TRIM14: variants seen among roughly 807,000 people sequenced by gnomAD.
TRIM14 encodes tripartite motif-containing protein 14.
In TRIM14, 28 loss-of-function variants were observed where a neutral mutation model predicts 44.5. The observed-to-expected ratio is 0.63, with a 90% CI of 0.47 to 0.86. The LOEUF (loss-of-function observed/expected upper bound fraction) is 0.86. Ranked by LOEUF, TRIM14 falls within the 40% of genes least tolerant of loss-of-function variation. TRIM14 has a pLI of 0.00. For synonymous variants in TRIM14, 299 were observed against 269.2 expected, an observed-to-expected ratio of 1.11 and a Z score of -1.08; for missense variants, 607 against 611.1, an observed-to-expected ratio of 0.99 and a Z score of 0.07.
At chr9:98,103,978 G>C (rs1280289267) in intron 2 of TRIM14, among the ~76,000 whole-genome samples, 1 of 152,192 alleles carries the variant, frequency 6.6e-6, no homozygotes, top group East Asian at 1.9e-4. Flanking sequence ...TGTTCTCAGG[G>C]GGACAGCATG....
At chr9:98,084,266 G>GT (rs1825684587), downstream of TRIM14, 2 of 152,264 alleles carry the variant, frequency 1.3e-5, no homozygotes, top group South Asian at 4.1e-4. Context: ...TGCGGATGAT[G>GT]TATTCAGGAT....
the TRIM14 span, among the ~76,000 whole-genome samples, chr9:98,044,786 T>C: frequency 6.6e-6 from 1 of 152,176 alleles, no homozygotes; most frequent in East Asian, 1.9e-4. Flanking sequence ...GAGATTAATT[T>C]TGGGAGAAAA....
the TRIM14 span, among the ~76,000 whole-genome samples, chr9:98,061,481 T>TAAAAAA: frequency 1.4e-3 from 107 of 74,664 alleles, 1 homozygote; most frequent in African/African-American, 5.3e-3. Context: ...CATCTCAAAT[T>TAAAAAA]AAAAAAAAAA....
At chr9:98,038,783 G>T in the TRIM14 span, among the ~76,000 whole-genome samples, 2 of 152,132 alleles carry the variant, frequency 1.3e-5, no homozygotes, top group African/African-American at 2.4e-5. Context: ...AGGTGTGGTG[G>T]CTCATGCCTG....
the TRIM14 span, among the ~76,000 whole-genome samples, chr9:98,048,451 T>C: frequency 6.6e-6 from 1 of 152,178 alleles, no homozygotes; most frequent in African/African-American, 2.4e-5. Flanking sequence ...TGTCTGTCTG[T>C]GTAGTTATAT....
chr9:98,110,848 A>AAAAATAAAATAAAATAAAAT (rs58660734), intron 1 of TRIM14, among the ~76,000 whole-genome samples: 6,697 of 130,490 alleles, frequency 0.051, 694 homozygotes, highest in African/African-American at 0.19. Context: ...CTCTACCACA[A>AAAAATAAAATAAAATAAAAT]AAAATAAAAT....
At chr9:98,107,359 T>C (rs1826654558) in intron 2 of TRIM14, among the ~76,000 whole-genome samples, 1 of 152,178 alleles carries the variant, frequency 6.6e-6, no homozygotes, top group African/African-American at 2.4e-5. Context: ...AAGCCTTATT[T>C]GCAATAGCCC....
the TRIM14 span, among the ~76,000 whole-genome samples, chr9:98,061,797 TAA>T: frequency 2.9e-4 from 43 of 147,244 alleles, 1 homozygote; most frequent in African/African-American, 1.1e-3. Context: ...AAAAAATTAA[TAA>T]TAATAATAAT....
chr9:98,049,435 A>C, the TRIM14 span, among the ~76,000 whole-genome samples: 1 of 150,436 alleles, frequency 6.6e-6, no homozygotes, highest in Non-Finnish European at 1.5e-5. Context: ...TCATTTCCTA[A>C]TTATATGCTA....
chr9:98,114,855 T>G (rs1055995132), intron 1 of TRIM14, among the ~76,000 whole-genome samples: 1 of 152,170 alleles, frequency 6.6e-6, no homozygotes, highest in Non-Finnish European at 1.5e-5. Flanking sequence ...AGAGCAAGAA[T>G]TATTTACATG....
At chr9:98,089,809 T>G (rs949652004) in intron 5 of TRIM14, among the ~76,000 whole-genome samples, 3 of 152,042 alleles carry the variant, frequency 2.0e-5, no homozygotes, top group African/African-American at 7.2e-5. Context: ...TCATACAAAG[T>G]CCCCATTTAA....
chr9:98,116,845 CA>C (rs149202287), intron 1 of TRIM14, among the ~76,000 whole-genome samples: 42,438 of 100,806 alleles, frequency 0.42, 6,114 homozygotes, highest in East Asian at 0.56. Flanking sequence ...CCCTGTGTCT[CA>C]AAAAAAAAAA....
chr9:98,072,203 A>G (rs903243816), intron 6 of TRIM14, among the ~76,000 whole-genome samples: 2 of 152,152 alleles, frequency 1.3e-5, no homozygotes, highest in Admixed American at 1.3e-4. Context: ...TCCTGGGGCT[A>G]TCTGGAGGAT....
At chr9:98,081,349 C>G (rs1207156995), downstream of TRIM14, 1 of 491,592 alleles carries the variant, frequency 2.0e-6, no homozygotes, top group African/African-American at 2.0e-5. Flanking sequence ...CACTAATTCT[C>G]TGAAGCCCAT....
chr9:98,087,230 G>A lies in TRIM14; in HGVS notation c.*240C>T, dbSNP rs765181997. ...GGATTAAAGTAGTGTAAGTGATGGTGGGGTGAGGGTGCGGAGGTCTGATGA... is the reference window on the plus strand; with the variant it reads ...GGATTAAAGTAGTGTAAGTGATGGTAGGGTGAGGGTGCGGAGGTCTGATGA... On this transcript the variant is annotated 3_prime_UTR_variant, in exon 6 of 6. Transcript: ENST00000341469. 1.3e-5 allele frequency: 10 copies of A among 778,948 alleles called. No homozygotes were observed. Among genetic ancestry groups the A allele is most frequent in the Non-Finnish European group, 2.1e-5 (9 of 419,504 alleles). The allele number at this position is 778,948 out of a possible 1,614,324, so 48.3% of individuals were successfully genotyped here. A position where few individuals can be genotyped will look rare whatever the true frequency, so the allele number is the denominator to read the frequency against.
At chr9:98,098,114 A>T (rs1369212898) in intron 3 of TRIM14, among the ~76,000 whole-genome samples, 1 of 152,182 alleles carries the variant, frequency 6.6e-6, no homozygotes, top group Non-Finnish European at 1.5e-5. Context: ...CTGTGGTTAG[A>T]GTTGGTGCCA....
At chr9:98,053,485 G>A in the TRIM14 span, among the ~76,000 whole-genome samples, 1 of 152,176 alleles carries the variant, frequency 6.6e-6, no homozygotes. Flanking sequence ...CTAAGTCCAT[G>A]TTCTATCCTG....
chr9:98,094,540 GC>G (rs972874770), intron 4 of TRIM14, among the ~76,000 whole-genome samples: 1 of 152,246 alleles, frequency 6.6e-6, no homozygotes, highest in African/African-American at 2.4e-5. Flanking sequence ...CCAGGCCTTG[GC>G]CCCAGCCAGA....
At chr9:98,081,118 G>A (rs748861337), downstream of TRIM14, 15 of 1,608,960 alleles carry the variant, frequency 9.3e-6, no homozygotes, top group African/African-American at 4.0e-5. Context: ...TTCTGCTGCC[G>A]TGTGTGGAAA....
Sources: allele counts gnomAD v4.1 joint callset (sites outside exome capture counted in the v4.1 genomes callset), GRCh38; gene constraint gnomAD v4.1.1; transcripts MANE v1.5; gene names NCBI Gene and HGNC (gene_info 2026-07-23, HGNC 2026-07-21).